The following TMOD1 variants were observed in gnomAD, a reference collection of about 807,000 sequenced individuals.
The protein encoded by TMOD1 is tropomodulin 1, also known as tropomodulin-1.
In TMOD1, 17 loss-of-function variants were observed where a neutral mutation model predicts 40.6. That is an observed-to-expected ratio of 0.42 (90% CI 0.29 to 0.63). The LOEUF is 0.63. TMOD1 is among the 20% of genes least tolerant of loss of function. The pLI, the probability that TMOD1 is intolerant of heterozygous loss-of-function variation, is 0.22. For missense variants in TMOD1, 391 were observed against 447.6 expected, an observed-to-expected ratio of 0.87 and a Z score of 1.14; for synonymous variants, 181 against 175.0, an observed-to-expected ratio of 1.03 and a Z score of -0.27.
chr9:97,583,922 A>G (rs1290673815), intron 8 of TMOD1, among the ~76,000 whole-genome samples: 1 of 151,300 alleles, frequency 6.6e-6, no homozygotes, highest in African/African-American at 2.4e-5. Context: ...CTAGCGGTCT[A>G]TCAATTTTGT....
At chr9:97,530,787 C>CTTTTT (rs57086657) in intron 2 of TMOD1, among the ~76,000 whole-genome samples, 3 of 90,898 alleles carry the variant, frequency 3.3e-5, no homozygotes, top group African/African-American at 1.4e-4. Flanking sequence ...CCGGGCCCGG[C>CTTTTT]TTTTTTTTTT....
intron 9 of TMOD1, among the ~76,000 whole-genome samples, chr9:97,597,337 A>G (rs1826130812): frequency 6.6e-6 from 1 of 152,202 alleles, no homozygotes; most frequent in African/African-American, 2.4e-5. Flanking sequence ...TCATCATTAA[A>G]AAGGGAAAAA....
At chr9:97,563,863 T>C (rs929679926) in intron 5 of TMOD1, among the ~76,000 whole-genome samples, 175 bp from the exon 6 acceptor site, 2 of 152,202 alleles carry the variant, frequency 1.3e-5, no homozygotes, top group Non-Finnish European at 2.9e-5. Context: ...CCCAGCCTCC[T>C]GGCTCCCTTG....
chr9:97,559,794 A>AAATAT (rs1390791825), intron 4 of TMOD1, among the ~76,000 whole-genome samples: 81 of 23,112 alleles, frequency 3.5e-3, no homozygotes, highest in Non-Finnish European at 3.1e-3. Flanking sequence ...AAAAAAAAAA[A>AAATAT]ATATATATAT....
chr9:97,506,133 C>G (rs1829587334), intron 1 of TMOD1, among the ~76,000 whole-genome samples: 1 of 152,188 alleles, frequency 6.6e-6, no homozygotes, highest in African/African-American at 2.4e-5. Context: ...GCCTTCAGTG[C>G]TGTTCTCCCT....
chr9:97,601,115 CTG>C lies in TMOD1; in HGVS notation c.*1418_*1419del. ...CCTCAGCGCTATGGAAGAGTGTCCA[CTG>C]AGGCTGCACATGGCCCAGGAGTGGC... On this transcript the variant is annotated 3_prime_UTR_variant, in exon 10 of 10. Coordinates refer to ENST00000259365, the MANE Select transcript of TMOD1 (RefSeq NM_003275.4). 7.7e-7 allele frequency: 1 copy of C among 1,304,308 alleles called. No homozygotes were observed. Among genetic ancestry groups the C allele is most frequent in the Non-Finnish European group, 1.0e-6 (1 of 988,956 alleles). 80.8% of individuals were successfully genotyped at this position (1,304,308 alleles called of 1,614,324 possible).
At chr9:97,533,110 T>C (rs1469814562) in intron 2 of TMOD1, among the ~76,000 whole-genome samples, 2 of 152,364 alleles carry the variant, frequency 1.3e-5, no homozygotes, top group East Asian at 1.9e-4. Context: ...AAAAAATGTA[T>C]AAGCTCCTTA....
chr9:97,592,108 A>ATAAG (rs1487479976), intron 9 of TMOD1, among the ~76,000 whole-genome samples: 2 of 152,200 alleles, frequency 1.3e-5, no homozygotes, highest in Admixed American at 1.3e-4. Context: ...AAATAGGTAT[A>ATAAG]TAAGTCAACT....
chr9:97,542,143 T>C (rs1333388957), intron 2 of TMOD1, among the ~76,000 whole-genome samples: 1 of 152,222 alleles, frequency 6.6e-6, no homozygotes, highest in Non-Finnish European at 1.5e-5. Flanking sequence ...TCACTTTGAG[T>C]TTTTATATAT....
At chr9:97,555,520 T>C in intron 4 of TMOD1, 1 of 1,458,060 alleles carries the variant, frequency 6.9e-7, no homozygotes, top group Non-Finnish European at 9.0e-7. Context: ...GGCGTGGCTA[T>C]TTATTGTTAT....
At chr9:97,580,892 T>C (rs1259341801) in intron 8 of TMOD1, among the ~76,000 whole-genome samples, 1 of 151,774 alleles carries the variant, frequency 6.6e-6, no homozygotes, top group Non-Finnish European at 1.5e-5. Context: ...ATGTTATATA[T>C]ATAATGTTAT....
At chr9:97,566,620 G>A (rs540454500) in intron 7 of TMOD1, among the ~76,000 whole-genome samples, 3 of 152,184 alleles carry the variant, frequency 2.0e-5, no homozygotes, top group East Asian at 1.9e-4. Flanking sequence ...GTAGTGAGCC[G>A]AGATTGCACC....
chr9:97,535,171 G>A (rs887502194), intron 2 of TMOD1, among the ~76,000 whole-genome samples: 3 of 152,154 alleles, frequency 2.0e-5, no homozygotes, highest in African/African-American at 4.8e-5. Context: ...GAGTATGCTG[G>A]GGAGTGATGT....
At chr9:97,541,363 T>C (rs1322240540) in intron 2 of TMOD1, among the ~76,000 whole-genome samples, 1 of 151,992 alleles carries the variant, frequency 6.6e-6, no homozygotes. Context: ...AATTTTTGTA[T>C]TTTTAGTAGA....
chr9:97,504,235 C>A (rs1829552860), intron 1 of TMOD1, among the ~76,000 whole-genome samples: 1 of 152,128 alleles, frequency 6.6e-6, no homozygotes, highest in South Asian at 2.1e-4. Context: ...AGCCCTCAGC[C>A]CAGAGCCTGA....
Position 97,546,012 on chromosome 9 carries a change from G to A in TMOD1, c.121-173G>A, listed in dbSNP as rs1323565248. ...TTGGACAAGTCCCTCCCTGTCCTGG[G>A]GTTTCAGATTCCTTACTTGTAAAAC... On this transcript the variant is annotated intron_variant, in intron 2 of 9. Coordinates refer to ENST00000259365, the MANE Select transcript of TMOD1 (RefSeq NM_003275.4). Among the ~76,000 whole-genome samples the A allele has an allele frequency of 1.3e-5, 2 of 152,082 alleles. 1 individual carries two copies. Among genetic ancestry groups the A allele is most frequent in the East Asian group, 3.8e-4 (2 of 5,196 alleles).
chr9:97,504,481 A>G (rs1829558430), intron 1 of TMOD1, among the ~76,000 whole-genome samples: 1 of 152,118 alleles, frequency 6.6e-6, no homozygotes, highest in Non-Finnish European at 1.5e-5. Context: ...AGTGAGAAGA[A>G]CCCAGGAGAG....
intron 1 of TMOD1, among the ~76,000 whole-genome samples, chr9:97,518,869 G>C (rs1829871116): frequency 6.6e-6 from 1 of 152,160 alleles, no homozygotes; most frequent in Admixed American, 6.5e-5. Context: ...AAATCCCTTT[G>C]GCCAAAGTGT....
At chr9:97,524,432 G>A in intron 2 of TMOD1, 124 bp downstream of exon 2, 1 of 1,247,942 alleles carries the variant, frequency 8.0e-7, no homozygotes, top group South Asian at 1.5e-5. Context: ...GTATAACTTT[G>A]CCTTTGCAGA....
Sources: allele counts gnomAD v4.1 joint callset (sites outside exome capture counted in the v4.1 genomes callset), GRCh38; gene constraint gnomAD v4.1.1; transcripts MANE v1.5; gene names NCBI Gene and HGNC (gene_info 2026-07-23, HGNC 2026-07-21).